Variants in CEBPZ observed in about 807,000 individuals in gnomAD.
CEBPZ encodes the protein CCAAT/enhancer-binding protein zeta.
In CEBPZ, 78 loss-of-function variants were observed where a neutral mutation model predicts 104.5. The ratio of observed to expected loss-of-function variants is 0.75; its 90% CI spans 0.62 to 0.90. The LOEUF (loss-of-function observed/expected upper bound fraction) is 0.90. CEBPZ is among the 40% of genes least tolerant of loss of function. The pLI is 0.00. For missense variants in CEBPZ, 1,439 were observed against 1,233.5 expected (o/e 1.17, Z -2.50); for synonymous variants, 470 against 427.0 (o/e 1.10, Z -1.24).
intron 11 of CEBPZ, 83 bp downstream of exon 11, chr2:37,212,252 A>G (rs1677744315): frequency 8.1e-7 from 1 of 1,241,872 alleles, no homozygotes; most frequent in Non-Finnish European, 1.2e-6. Flanking sequence ...CCTTTATCAT[A>G]TAGTTCTGTG....
At chr2:37,204,204 A>G (rs1369929092) in intron 13 of CEBPZ, 2 of 151,568 alleles carry the variant, frequency 1.3e-5, no homozygotes, top group Non-Finnish European at 2.9e-5. Context: ...CTGGTTTCTT[A>G]AAGTTTCTTT....
Position 37,213,937 on chromosome 2 carries a change from T to A in CEBPZ, c.2472A>T (p.Lys824Asn). Reference protein sequence around the residue: ...FHRYYKKVAVKEKQKRDADEE... With the variant: ...FHRYYKKVAVNEKQKRDADEE... Reference sequence around the variant, plus strand: ...CATCTGCATCCCGTTTTTGTTTCTCTTTAACAGCAACTTTTTTATAATACC... The same window carrying A: ...CATCTGCATCCCGTTTTTGTTTCTCATTAACAGCAACTTTTTTATAATACC... Residue 824 changes from lysine (K) to asparagine (N), a missense_variant, in exon 10 of 16, where the codon AAA (lysine) becomes AAT (asparagine). Lys to Asn is a moderately conservative substitution (Grantham distance 94). Transcript: ENST00000234170. The A allele has an allele frequency of 1.9e-6, 3 of 1,580,592 alleles. No individual in the cohort carries two copies. Among genetic ancestry groups the A allele is most frequent in the Non-Finnish European group, 2.6e-6 (3 of 1,168,712 alleles).
At chr2:37,210,263 A>G (rs895566964) in intron 13 of CEBPZ, 1 of 152,234 alleles carries the variant, frequency 6.6e-6, no homozygotes, top group Non-Finnish European at 1.5e-5. Flanking sequence ...TGATCTAGCA[A>G]TCCCACCACT....
Position 37,211,930 on chromosome 2 carries a change from T to C in CEBPZ, c.2713A>G (p.Ser905Gly). Residue 905 changes from serine to glycine, a missense_variant, in exon 12 of 16, where the codon AGT becomes GGT. Physicochemically the swap from Ser to Gly is moderately conservative, Grantham distance 56. Transcript: ENST00000234170. ...NLDDDEVSLGSMDDEEFAEVD... is the reference protein window; with the variant it reads ...NLDDDEVSLGGMDDEEFAEVD... ...TCAGCAAATTCTTCATCATCCATAC[T>C]TCCTAAAGAAACTTCATCGTCATCC... 6.2e-7 allele frequency: 1 copy of C among 1,613,722 alleles called. No homozygotes were observed. The highest frequency in any genetic ancestry group is 8.5e-7 in the Non-Finnish European group (1 of 1,179,834).
At position 37,228,807 on chromosome 2, in the gene CEBPZ, G is replaced by C; in HGVS notation, c.386C>G (p.Ala129Gly). 6.2e-7 allele frequency: 1 copy of C among 1,605,704 alleles called. No individual in the cohort carries two copies. Among genetic ancestry groups the C allele is most frequent in the Non-Finnish European group, 8.5e-7 (1 of 1,177,376 alleles). Residue 129 changes from alanine to glycine, a missense_variant, in exon 2 of 16, where the codon GCA (alanine) becomes GGA (glycine). Transcript: ENST00000234170. The part of the protein sequence containing the change: ...KIPKINNKNT[A>G]ESQRTSVNKV... ...ATTAACTGATGTCCTTTGACTTTCT[G>C]CTGTATTTTTATTATTTATTTTAGG...
chr2:37,214,166 C>A (rs1677809294), intron 9 of CEBPZ, among the ~76,000 whole-genome samples: 1 of 152,084 alleles, frequency 6.6e-6, no homozygotes, highest in South Asian at 2.1e-4. Flanking sequence ...AAGTGTAATA[C>A]ATTTCAAAGA....
intron 10 of CEBPZ, among the ~76,000 whole-genome samples, chr2:37,212,867 C>CAAAAAAA (rs749522819): frequency 8.5e-6 from 1 of 117,252 alleles, no homozygotes; most frequent in Non-Finnish European, 1.8e-5. Context: ...ACAACAACAA[C>CAAAAAAA]AAAAAAAAAA....
At chr2:37,215,788 G>C (rs1677852808) in intron 8 of CEBPZ, among the ~76,000 whole-genome samples, 1 of 152,266 alleles carries the variant, frequency 6.6e-6, no homozygotes, top group Non-Finnish European at 1.5e-5. Context: ...CTTTAAGATG[G>C]TCTGAATTGT....
chr2:37,205,418 A>T (rs960279005), intron 13 of CEBPZ, among the ~76,000 whole-genome samples: 3 of 152,106 alleles, frequency 2.0e-5, no homozygotes, highest in African/African-American at 7.2e-5. Flanking sequence ...AAGCTCCCCT[A>T]CTGAGCACCT....
chr2:37,224,980 T>C (rs1664848437), intron 2 of CEBPZ, among the ~76,000 whole-genome samples: 1 of 152,112 alleles, frequency 6.6e-6, no homozygotes. Flanking sequence ...AAACACTTTC[T>C]AAAAATCAAA....
At chr2:37,202,016 C>G (rs961757763) in intron 15 of CEBPZ, 113 bp from the exon 16 acceptor site, 11 of 869,802 alleles carry the variant, frequency 1.3e-5, no homozygotes, top group Non-Finnish European at 1.9e-5. Context: ...CCTGTGGTTT[C>G]CCACCCACTA....
At chr2:37,227,351 C>A (rs1664911898) in intron 2 of CEBPZ, among the ~76,000 whole-genome samples, 193 bp downstream of exon 2, 1 of 152,140 alleles carries the variant, frequency 6.6e-6, no homozygotes, top group South Asian at 2.1e-4. Flanking sequence ...GTATTCAAAG[C>A]ATCTAATATA....
chr2:37,223,670 T>C (rs761237521), intron 2 of CEBPZ, among the ~76,000 whole-genome samples: 4 of 152,198 alleles, frequency 2.6e-5, no homozygotes, highest in African/African-American at 4.8e-5. Context: ...GTTTTTCTGT[T>C]TTCTATATCA....
rs764273636 is a variant in CEBPZ at position 37,202,987 on chromosome 2, T to G, written c.2906A>C (p.Asn969Thr). The G allele has an allele frequency of 6.4e-7, 1 of 1,553,578 alleles. No homozygotes were observed. The highest frequency in any genetic ancestry group is 8.7e-7 in the Non-Finnish European group (1 of 1,153,690). ...SFQGPRKKKR[N>T]LNDSSLFVSA... ...TACAAATAGGCTGGAATCATTTAAG[T>G]TTCTTTTCTTTTTTCTTGGCCCTAA... The change falls in exon 14 of 16, where the codon AAC (asparagine) becomes ACC (threonine). Residue 969 changes from asparagine to threonine, a missense_variant. Physicochemically the swap from Asn to Thr is moderately conservative, Grantham distance 65 (BLOSUM62 0). Transcript: ENST00000234170.
chr2:37,225,227 C>T (rs1276353706), intron 2 of CEBPZ, among the ~76,000 whole-genome samples: 3 of 152,214 alleles, frequency 2.0e-5, no homozygotes, highest in Admixed American at 2.0e-4. Flanking sequence ...TATGAAATGT[C>T]ATGAAATCTA....
chr2:37,231,500 T>G lies in CEBPZ; in HGVS notation c.68A>C (p.Glu23Ala), dbSNP rs1447291668. Residue 23 changes from glutamate to alanine, a missense_variant, in exon 1 of 16, where the codon GAA becomes GCA. Transcript: ENST00000234170. ...ATCCTCATCCTCCTCGTCCGGATCTTCTACTGCCTCCTCGGGGCGCCAAGG... is the reference window on the plus strand; with the variant it reads ...ATCCTCATCCTCCTCGTCCGGATCTGCTACTGCCTCCTCGGGGCGCCAAGG... Reference protein sequence around the residue: ...KRPWRPEEAVEDPDEEDEDNT... With the variant: ...KRPWRPEEAVADPDEEDEDNT... 1 of 1,614,244 alleles carries G rather than the reference T, an allele frequency of 6.2e-7. No individual in the cohort carries two copies. Among genetic ancestry groups the G allele is most frequent in the South Asian group, 1.1e-5 (1 of 91,092 alleles).
chr2:37,204,495 CT>C (rs1677456598), intron 13 of CEBPZ: 1 of 130,470 alleles, frequency 7.7e-6, no homozygotes, highest in African/African-American at 2.7e-5. Flanking sequence ...CCAGGATGGT[CT>C]TGATCTCTTG....
At position 37,216,331 on chromosome 2, in the gene CEBPZ, G is replaced by T; in HGVS notation, c.2296C>A (p.Pro766Thr). The change falls in exon 7 of 16, where the codon CCC becomes ACC. Residue 766 changes from proline (P) to threonine (T), a missense_variant. Physicochemically the swap from Pro to Thr is conservative, Grantham distance 38 (BLOSUM62 -1). Transcript: ENST00000234170. ...LDRFVYRNPK[P>T]HKGKENTDSV... Reference sequence around the variant, plus strand: ...AGAAGCATACCTTTGCCTTTATGGGGCTTTGGATTTCGGTATACAAATCGA... The same window carrying T: ...AGAAGCATACCTTTGCCTTTATGGGTCTTTGGATTTCGGTATACAAATCGA... The T allele has an allele frequency of 6.2e-7, 1 of 1,613,594 alleles. No individual in the cohort carries two copies. Among genetic ancestry groups the T allele is most frequent in the Non-Finnish European group, 8.5e-7 (1 of 1,179,760 alleles).
Position 37,216,351 on chromosome 2 carries a change from A to G in CEBPZ, c.2276T>C (p.Phe759Ser), listed in dbSNP as rs1213741574. 3 of 1,613,904 alleles carry G rather than the reference A, an allele frequency of 1.9e-6. No individual in the cohort carries two copies. Among genetic ancestry groups the G allele is most frequent in the East Asian group, 2.2e-5 (1 of 44,822 alleles). The change falls in exon 7 of 16, where the codon TTT becomes TCT. Residue 759 changes from phenylalanine to serine, a missense_variant. Phe to Ser is a radical substitution (Grantham distance 155, BLOSUM62 -2). Coordinates refer to ENST00000234170, the MANE Select transcript of CEBPZ (RefSeq NM_005760.3). ...DFTLMRFLDR[F>S]VYRNPKPHKG... ...ATGGGGCTTTGGATTTCGGTATACAAATCGATCCAAAAATCTCATTAGAGT... is the reference window on the plus strand; with the variant it reads ...ATGGGGCTTTGGATTTCGGTATACAGATCGATCCAAAAATCTCATTAGAGT...
Sources: gnomAD v4.1 joint callset for allele counts (sites outside exome capture counted in the v4.1 genomes callset) on GRCh38, gnomAD v4.1.1 for gene constraint, MANE v1.5 for transcripts, NCBI Gene and HGNC (gene_info 2026-07-23, HGNC 2026-07-21) for gene names.